SLC26A7: variants seen among roughly 807,000 people sequenced by gnomAD.
The protein encoded by SLC26A7 is anion exchange transporter.
In SLC26A7, 59 loss-of-function variants were observed where a neutral mutation model predicts 82.5. The ratio of observed to expected loss-of-function variants is 0.72; its 90% CI spans 0.58 to 0.89. The LOEUF (loss-of-function observed/expected upper bound fraction) is 0.89. SLC26A7 is among the 40% of genes least tolerant of loss of function. The pLI, the probability that SLC26A7 is intolerant of heterozygous loss-of-function variation, is 0.00. For synonymous variants in SLC26A7, 271 were observed against 274.3 expected (o/e 0.99, Z 0.12); for missense variants, 820 against 793.0 (o/e 1.03, Z -0.41).
chr8:91,330,600 C>A (rs1468485348), intron 5 of SLC26A7, among the ~76,000 whole-genome samples: 1 of 152,058 alleles, frequency 6.6e-6, no homozygotes, highest in East Asian at 1.9e-4. Flanking sequence ...TAGACTTGAG[C>A]AATCCGCTGT....
chr8:91,282,208 G>C (rs1381238956), intron 2 of SLC26A7, among the ~76,000 whole-genome samples: 2 of 152,154 alleles, frequency 1.3e-5, no homozygotes, highest in African/African-American at 4.8e-5. Context: ...GAATGAACAA[G>C]AAGCTGTTCA....
At position 91,396,405 on chromosome 8, in the gene SLC26A7, A is replaced by G. The variant is rs1586489707; in HGVS notation, c.*1308A>G. ...AACAAGTTGAAACTAAAATTAAAAT[A>G]CCAGCCATTTAGGTGCTTTCTCTGG... On this transcript the variant is annotated 3_prime_UTR_variant, in exon 19 of 19. Coordinates refer to ENST00000276609, the MANE Select transcript of SLC26A7 (RefSeq NM_052832.4). 6.6e-6 allele frequency: 1 copy of G among 152,006 alleles called. No homozygotes were observed. Among genetic ancestry groups the G allele is most frequent in the South Asian group, 2.1e-4 (1 of 4,836 alleles). The allele number at this position is 152,006 out of a possible 1,614,324, so 9.4% of individuals were successfully genotyped here. A position where few individuals can be genotyped will look rare whatever the true frequency, so the allele number is the denominator to read the frequency against.
chr8:91,395,181 G>A lies in SLC26A7; in HGVS notation c.*84G>A. ...TGGCATTTTGCACAACTTTTTGGTT[G>A]TTTAGATCCTACAGATGACCTCTGC... On this transcript the variant is annotated 3_prime_UTR_variant, in exon 19 of 19. Coordinates refer to ENST00000276609, the MANE Select transcript of SLC26A7 (RefSeq NM_052832.4). 1 of 1,598,404 alleles carries A rather than the reference G, an allele frequency of 6.3e-7. No individual in the cohort carries two copies. Among genetic ancestry groups the A allele is most frequent in the Non-Finnish European group, 8.5e-7 (1 of 1,172,818 alleles).
intron 1 of SLC26A7, among the ~76,000 whole-genome samples, chr8:91,211,280 G>A (rs1164183431): frequency 6.6e-6 from 1 of 151,818 alleles, no homozygotes; most frequent in Non-Finnish European, 1.5e-5. Flanking sequence ...TATCTAGTAA[G>A]TATATGATAG....
rs539628311 is a variant in SLC26A7 at position 91,267,430 on chromosome 8, T to C, written c.193+17586T>C. 8.5e-5 allele frequency among the ~76,000 whole-genome samples: 13 copies of C among 152,130 alleles called. No homozygotes were observed. In the South Asian group the frequency reaches 2.7e-3, roughly 31 times the overall value. On this transcript the variant is annotated intron_variant, in intron 2 of 18. Transcript: ENST00000276609. ...AGAAGAGTTTTTATTATTGCCTTAA[T>C]TCCATTACTAATTATTGGTCTGTTC...
chr8:91,285,307 C>T (rs1811681335), intron 2 of SLC26A7, among the ~76,000 whole-genome samples: 1 of 76,512 alleles, frequency 1.3e-5, no homozygotes, highest in African/African-American at 3.9e-5. Flanking sequence ...CATTCACATG[C>T]CTTCATCACA....
intron 18 of SLC26A7, 61 bp downstream of exon 18, chr8:91,394,100 T>G: frequency 6.3e-7 from 1 of 1,588,550 alleles, no homozygotes; most frequent in Non-Finnish European, 8.6e-7. Context: ...GAATCGAAGC[T>G]TTGCATCTTT....
At chr8:91,320,616 T>G (rs117495565) in intron 5 of SLC26A7, among the ~76,000 whole-genome samples, 3 of 152,244 alleles carry the variant, frequency 2.0e-5, no homozygotes, top group Non-Finnish European at 2.9e-5. Context: ...TTGGGGTACT[T>G]AGGCTGAGAG....
chr8:91,345,864 G>T (rs1015879457), intron 9 of SLC26A7, among the ~76,000 whole-genome samples: 1 of 151,930 alleles, frequency 6.6e-6, no homozygotes, highest in Admixed American at 6.6e-5. Context: ...CTTTAATATC[G>T]AGTGTCTGAA....
chr8:91,304,075 T>C (rs935578707), intron 4 of SLC26A7, among the ~76,000 whole-genome samples: 3 of 152,336 alleles, frequency 2.0e-5, no homozygotes, highest in African/African-American at 7.2e-5. Flanking sequence ...ATAATTATAT[T>C]TATTAGCCTA....
At chr8:91,332,366 A>G (rs1813110715) in intron 5 of SLC26A7, among the ~76,000 whole-genome samples, 2 of 130,442 alleles carry the variant, frequency 1.5e-5, no homozygotes. Context: ...ATAATTATAT[A>G]TAAAATTATA....
At chr8:91,341,597 A>T (rs1813414834) in intron 8 of SLC26A7, among the ~76,000 whole-genome samples, 1 of 152,184 alleles carries the variant, frequency 6.6e-6, no homozygotes, top group Admixed American at 6.5e-5. Context: ...GTTGAACCCT[A>T]ATACATAGCA....
intron 4 of SLC26A7, among the ~76,000 whole-genome samples, chr8:91,303,129 A>C (rs928716859): frequency 1.3e-5 from 2 of 152,226 alleles, no homozygotes; most frequent in African/African-American, 2.4e-5. Context: ...CAGTAAAAAC[A>C]GTAGCAGCCA....
At chr8:91,342,916 C>T (rs1212542629) in intron 8 of SLC26A7, 1 of 158,268 alleles carries the variant, frequency 6.3e-6, no homozygotes, top group African/African-American at 2.4e-5. Flanking sequence ...CAGGGACATC[C>T]TAGAAGCCAA....
intron 11 of SLC26A7, among the ~76,000 whole-genome samples, chr8:91,359,325 A>G (rs544024991): frequency 6.6e-6 from 1 of 152,362 alleles, no homozygotes; most frequent in African/African-American, 2.4e-5. Flanking sequence ...ATATAATTCC[A>G]TAGTTTCCGA....
chr8:91,309,389 T>G (rs1232480402), intron 4 of SLC26A7, among the ~76,000 whole-genome samples: 1 of 151,834 alleles, frequency 6.6e-6, no homozygotes, highest in Non-Finnish European at 1.5e-5. Flanking sequence ...ATGATCATTC[T>G]AGCTTTCTGG....
In SLC26A7 at chr8:91,249,587, G is replaced by A. The variant is rs558643838; in HGVS notation, c.-65G>A. ...GAATTGGAGCTTGGCATTGAAAGGA[G>A]GTGTTCTGCAATGATTTTTTTTCTT... On this transcript the variant is annotated 5_prime_UTR_variant, in exon 2 of 19. Coordinates refer to ENST00000276609, the MANE Select transcript of SLC26A7 (RefSeq NM_052832.4). 1.2e-4 allele frequency: 156 copies of A among 1,315,836 alleles called. No individual in the cohort carries two copies. The highest frequency in any genetic ancestry group is 1.7e-4 in the South Asian group (9 of 52,860). The allele number at this position is 1,315,836 out of a possible 1,614,324, so 81.5% of individuals were successfully genotyped here.
At chr8:91,367,833 C>A (rs1814239348) in intron 14 of SLC26A7, among the ~76,000 whole-genome samples, 1 of 152,084 alleles carries the variant, frequency 6.6e-6, no homozygotes, top group African/African-American at 2.4e-5. Context: ...GCTACTTATC[C>A]CCCAGTCATT....
At chr8:91,270,002 T>C (rs1343706404) in intron 2 of SLC26A7, among the ~76,000 whole-genome samples, 2 of 152,144 alleles carry the variant, frequency 1.3e-5, no homozygotes, top group Non-Finnish European at 2.9e-5. Context: ...TTTAATTTTT[T>C]ATACTTTTTT....
Sources: gnomAD v4.1 joint callset for allele counts (sites outside exome capture counted in the v4.1 genomes callset) on GRCh38, gnomAD v4.1.1 for gene constraint, MANE v1.5 for transcripts, NCBI Gene and HGNC (gene_info 2026-07-23, HGNC 2026-07-21) for gene names.